SPOCK3: variants seen among roughly 807,000 people sequenced by gnomAD.
SPOCK3 encodes SPARC (osteonectin), cwcv and kazal like domains proteoglycan 3, also known as testican-3.
Under a neutral mutation model 56.6 loss-of-function variants are expected in SPOCK3, and 30 were observed. The ratio of observed to expected loss-of-function variants is 0.53; its 90% CI spans 0.40 to 0.72. The LOEUF is 0.72. SPOCK3 is among the 30% of genes least tolerant of loss of function. The pLI is 0.00. For missense variants in SPOCK3, 527 were observed against 530.0 expected, an observed-to-expected ratio of 0.99 and a Z score of 0.06; for synonymous variants, 196 against 183.3, an observed-to-expected ratio of 1.07 and a Z score of -0.56.
At chr4:166,809,102 ACTT>A (rs1268880683) in intron 6 of SPOCK3, among the ~76,000 whole-genome samples, 1 of 152,074 alleles carries the variant, frequency 6.6e-6, no homozygotes, top group African/African-American at 2.4e-5. Context: ...ACTCTGTCAT[ACTT>A]CTCTCATTAA....
chr4:167,135,679 ACG>A (rs1491181128), intron 2 of SPOCK3, among the ~76,000 whole-genome samples: 1 of 69,366 alleles, frequency 1.4e-5, no homozygotes, highest in Non-Finnish European at 2.6e-5. Context: ...CCTATATAAA[ACG>A]TGTGTGTGTG....
chr4:167,205,699 G>T lies in SPOCK3; in HGVS notation c.189+28286C>A, dbSNP rs188994731. Among the ~76,000 whole-genome samples the T allele has an allele frequency of 6.8e-4, 98 of 144,134 alleles. No individual in the cohort carries two copies. The East Asian group carries it at 0.016, about 23-fold the overall frequency. 94.6% of individuals were successfully genotyped at this position (144,134 alleles called of 152,430 possible). A position where few individuals can be genotyped will look rare whatever the true frequency, so the allele number is the denominator to read the frequency against. On this transcript the variant is annotated intron_variant, in intron 2 of 10. Coordinates refer to ENST00000357545, the MANE Select transcript of SPOCK3 (RefSeq NM_001040159.2). The stretch of plus-strand genomic sequence containing the variant: ...ATGATCTCAACTCACTGCAACTTCT[G>T]TCCCCGGGGTTTAAGCAATTCTCCT...
chr4:166,896,717 C>A (rs1272761853), intron 5 of SPOCK3, among the ~76,000 whole-genome samples: 2 of 152,212 alleles, frequency 1.3e-5, no homozygotes. Flanking sequence ...TTTGTAAATA[C>A]TTTCTCCATG....
chr4:167,092,305 T>C lies in SPOCK3; in HGVS notation c.190-29768A>G, dbSNP rs145991957. ...AGTCCAAGGGATTTCCCCATTAGTA[T>C]CACAAACATAAACAAATCCTCTTTG... is the stretch of plus-strand genomic sequence containing the variant. On this transcript the variant is annotated intron_variant, in intron 2 of 10. Coordinates refer to ENST00000357545, the MANE Select transcript of SPOCK3 (RefSeq NM_001040159.2). Among the ~76,000 whole-genome samples the C allele has an allele frequency of 1.7e-3, 260 of 152,244 alleles. 1 individual carries two copies. Among genetic ancestry groups the C allele is most frequent in the African/African-American group, 5.9e-3 (245 of 41,558 alleles).
At chr4:166,908,415 C>CA (rs1736868558) in intron 5 of SPOCK3, among the ~76,000 whole-genome samples, 2 of 150,736 alleles carry the variant, frequency 1.3e-5, no homozygotes, top group Non-Finnish European at 3.0e-5. Context: ...TTTAAAAATT[C>CA]AAATTCATGG....
At chr4:166,889,558 T>C (rs1028551004) in intron 5 of SPOCK3, among the ~76,000 whole-genome samples, 14 of 152,014 alleles carry the variant, frequency 9.2e-5, no homozygotes, top group Admixed American at 5.3e-4. Flanking sequence ...TAGAATCAAA[T>C]GGAGAGACGC....
intron 4 of SPOCK3, among the ~76,000 whole-genome samples, chr4:166,936,716 T>C (rs942592204): frequency 1.3e-5 from 2 of 152,130 alleles, no homozygotes; most frequent in African/African-American, 2.4e-5. Context: ...ATGATTTATC[T>C]TACATTTCTT....
At chr4:167,169,594 G>A (rs942262850) in intron 2 of SPOCK3, among the ~76,000 whole-genome samples, 10 of 152,110 alleles carry the variant, frequency 6.6e-5, no homozygotes, top group African/African-American at 1.9e-4. Context: ...TAGGAGGAAG[G>A]GACTCGCATT....
At chr4:166,882,798 C>G (rs962374974) in intron 6 of SPOCK3, 2 of 152,110 alleles carry the variant, frequency 1.3e-5, no homozygotes, top group African/African-American at 2.4e-5. Context: ...ATTGAAAACT[C>G]CTCTTTCAGG....
At chr4:167,227,750 T>C (rs975786165) in intron 2 of SPOCK3, among the ~76,000 whole-genome samples, 2 of 152,098 alleles carry the variant, frequency 1.3e-5, no homozygotes, top group African/African-American at 4.8e-5. Context: ...GAAATAAAAT[T>C]ATGACCCAGA....
chr4:166,953,934 G>GC (rs767196863), intron 4 of SPOCK3, among the ~76,000 whole-genome samples: 4 of 152,158 alleles, frequency 2.6e-5, no homozygotes, highest in Non-Finnish European at 4.4e-5. Context: ...GGGGACTGTT[G>GC]TGGGGTGCTG....
At chr4:167,016,092 A>T (rs1470632269) in intron 3 of SPOCK3, among the ~76,000 whole-genome samples, 3 of 152,180 alleles carry the variant, frequency 2.0e-5, no homozygotes, top group Non-Finnish European at 4.4e-5. Flanking sequence ...CTGAATAGTT[A>T]TAGCAGAATC....
At chr4:166,988,362 A>G (rs1747391492) in intron 4 of SPOCK3, among the ~76,000 whole-genome samples, 1 of 152,098 alleles carries the variant, frequency 6.6e-6, no homozygotes, top group African/African-American at 2.4e-5. Context: ...CAAAATGCTG[A>G]ATTTGCCCAC....
chr4:166,903,651 GTGTTT>G (rs1736305758), intron 5 of SPOCK3, among the ~76,000 whole-genome samples: 1 of 151,876 alleles, frequency 6.6e-6, no homozygotes, highest in Admixed American at 6.6e-5. Context: ...TTATTGACAG[GTGTTT>G]TGTTTTTTCC....
chr4:166,809,299 G>A (rs888619759), intron 6 of SPOCK3, among the ~76,000 whole-genome samples: 4 of 151,768 alleles, frequency 2.6e-5, no homozygotes, highest in African/African-American at 9.7e-5. Context: ...AGTTGGTCAG[G>A]AAATTCAGAA....
chr4:166,742,123 T>C, intron 8 of SPOCK3, 64 bp from the exon 9 acceptor site: 7 of 1,226,160 alleles, frequency 5.7e-6, no homozygotes, highest in Admixed American at 1.8e-5. Context: ...GTAATTTCTA[T>C]GTTATCAAAC....
chr4:167,116,625 A>ATATACTATATACGCACG (rs1554038945), intron 2 of SPOCK3, among the ~76,000 whole-genome samples: 242 of 125,224 alleles, frequency 1.9e-3, no homozygotes, highest in Admixed American at 2.3e-3. Flanking sequence ...ATATATATAC[A>ATATACTATATACGCACG]TATATACTAT....
chr4:166,824,170 C>T lies in SPOCK3; in HGVS notation c.590-31881G>A, dbSNP rs578107261. 1.7e-3 allele frequency among the ~76,000 whole-genome samples: 263 copies of T among 152,158 alleles called. 2 individuals carry two copies. The highest frequency in any genetic ancestry group is 5.9e-3 in the African/African-American group (246 of 41,544). On this transcript the variant is annotated intron_variant, in intron 6 of 10. Transcript: ENST00000357545. ...TCTCATGCTGTGATGGATTTCTCAT[C>T]TTATGCAACCTGTTCAATTGCTACC...
intron 2 of SPOCK3, among the ~76,000 whole-genome samples, chr4:167,111,506 A>G (rs776780784): frequency 6.6e-6 from 1 of 152,140 alleles, no homozygotes; most frequent in Non-Finnish European, 1.5e-5. Context: ...TTAATTTTTT[A>G]AAATAACAAT....
Sources: allele counts gnomAD v4.1 joint callset (sites outside exome capture counted in the v4.1 genomes callset), GRCh38; gene constraint gnomAD v4.1.1; transcripts MANE v1.5; gene names NCBI Gene and HGNC (gene_info 2026-07-23, HGNC 2026-07-21).